Variants in APBA3 observed in about 807,000 individuals in gnomAD.
APBA3 encodes the protein amyloid beta precursor protein binding family A member 3, also known as amyloid-beta A4 precursor protein-binding family A member 3.
APBA3 carries 45 observed loss-of-function variants against 55.9 expected under a neutral mutation model. That is an observed-to-expected ratio of 0.80 (90% CI 0.63 to 1.03). APBA3 has a LOEUF of 1.03. Ranked by LOEUF, APBA3 falls within the 50% of genes least tolerant of loss-of-function variation. The probability of loss-of-function intolerance (pLI) is 0.00; values close to 1 mark genes in which losing one functional copy is unlikely to be tolerated. For missense variants in APBA3, 865 were observed against 820.3 expected (o/e 1.05, Z -0.67); for synonymous variants, 370 against 353.3 (o/e 1.05, Z -0.53).
Position 3,759,573 on chromosome 19 carries a change from C to G in APBA3, c.604G>C (p.Ala202Pro). Residue 202 changes from alanine to proline, a missense_variant, in exon 3 of 11, where the codon GCC (alanine) becomes CCC (proline). Transcript: ENST00000316757. ...GCGGGACACTCACCCTCCTGGGGGG[C>G]AGGGTAGGAAGCCAGGGTCTCGGGG... Reference protein sequence around the residue: ...QSPETLASYPAPQEVPGPCDH... With the variant: ...QSPETLASYPPPQEVPGPCDH... 6.3e-7 allele frequency: 1 copy of G among 1,599,178 alleles called. No homozygotes were observed. The highest frequency in any genetic ancestry group is 8.5e-7 in the Non-Finnish European group (1 of 1,174,538).
chr19:3,759,939 C>A lies in APBA3; in HGVS notation c.326G>T (p.Arg109Leu). ...AHGLLSAEAG[R>L]DDLLGLLHCE... is the part of the protein sequence containing the mutation. ...GTGCAAGAGGCCCAGCAGGTCATCC[C>A]GGCCAGCTTCGGCAGACAGGAGCCC... The change falls in exon 2 of 11, where the codon CGG (arginine) becomes CTG (leucine). Residue 109 changes from arginine (R) to leucine (L), a missense_variant. Coordinates refer to ENST00000316757, the MANE Select transcript of APBA3 (RefSeq NM_004886.4). 1.2e-6 allele frequency: 2 copies of A among 1,609,722 alleles called. No individual in the cohort carries two copies. Among genetic ancestry groups the A allele is most frequent in the Non-Finnish European group, 1.7e-6 (2 of 1,178,954 alleles).
At position 3,751,103 on chromosome 19, in the gene APBA3, G is replaced by T; in HGVS notation, c.1657-6C>A. 6.4e-7 allele frequency: 1 copy of T among 1,566,514 alleles called. No individual in the cohort carries two copies. On this transcript the variant is annotated splice_region_variant and splice_polypyrimidine_tract_variant and intron_variant, in intron 10 of 10. Transcript: ENST00000316757. ...GGCATCGTCTTGATATGCACCTGGG[G>T]AGTGGAGGCGGAACGGGGCTCAGGG...
At chr19:3,753,584 TG>T (rs1426575409) in intron 6 of APBA3, 180 bp downstream of exon 6, 1 of 605,248 alleles carries the variant, frequency 1.7e-6, no homozygotes, top group Admixed American at 3.3e-5. Context: ...AGGTTGAGGC[TG>T]CAGTGAACTA....
intron 6 of APBA3, 61 bp downstream of exon 6, chr19:3,753,704 G>A: frequency 7.1e-7 from 1 of 1,410,766 alleles, no homozygotes; most frequent in Non-Finnish European, 9.3e-7. Flanking sequence ...GCCCACTGAG[G>A]GAGGCGACAG....
In APBA3 at chr19:3,752,885, G is replaced by T. The variant is rs1432415778; in HGVS notation, c.1117C>A (p.Pro373Thr). 10 of 1,613,220 alleles carry T rather than the reference G, an allele frequency of 6.2e-6. No individual in the cohort carries two copies. Among genetic ancestry groups the T allele is most frequent in the Non-Finnish European group, 7.6e-6 (9 of 1,179,910 alleles). The change falls in exon 7 of 11, where the codon CCA becomes ACA. Residue 373 changes from proline (P) to threonine (T), a missense_variant. Coordinates refer to ENST00000316757, the MANE Select transcript of APBA3 (RefSeq NM_004886.4). ...DPSQVGVHPS[P>T]GACHLHNGDL... is the part of the protein sequence containing the mutation. Reference sequence around the variant, plus strand: ...CCATTATGGAGGTGGCAGGCGCCTGGGCTCGGGTGCACGCCCACCTGGCTG... The same window carrying T: ...CCATTATGGAGGTGGCAGGCGCCTGTGCTCGGGTGCACGCCCACCTGGCTG...
chr19:3,753,710 G>A (rs184864548), intron 6 of APBA3, 55 bp downstream of exon 6: 9 of 1,427,480 alleles, frequency 6.3e-6, no homozygotes, highest in East Asian at 2.5e-5. Flanking sequence ...TGAGGGAGGC[G>A]ACAGTTGCAG....
At position 3,750,963 on chromosome 19, in the gene APBA3, G is replaced by A; in HGVS notation, c.*63C>T. 6.6e-7 allele frequency: 1 copy of A among 1,513,732 alleles called. No individual in the cohort carries two copies. The highest frequency in any genetic ancestry group is 9.0e-7 in the Non-Finnish European group (1 of 1,112,640). The allele number at this position is 1,513,732 out of a possible 1,614,324, so 93.8% of individuals were successfully genotyped here. A position where few individuals can be genotyped will look rare whatever the true frequency, so the allele number is the denominator to read the frequency against. The stretch of plus-strand genomic sequence containing the variant: ...CTGGGGTCCTGGCCAGCCAGGGCAG[G>A]CCCAGGATGGGGCTCCGGGGCCATG... On this transcript the variant is annotated 3_prime_UTR_variant, in exon 11 of 11. Coordinates refer to ENST00000316757, the MANE Select transcript of APBA3 (RefSeq NM_004886.4).
In APBA3 at chr19:3,751,065, A is replaced by G. The variant is rs771388286; in HGVS notation, c.1689T>C (p.Tyr563=). ...VHIKTMPAAT[Y]RLLTGQEQPV... is the part of the protein sequence containing the mutation. ...GCTGCTCCTGGCCTGTAAGGAGGCG[A>G]TATGTGGCAGCTGGCATCGTCTTGA... Residue 563 remains tyrosine (Y), a synonymous_variant, in exon 11 of 11, where the codon TAT becomes TAC. Transcript: ENST00000316757. 63 of 1,566,880 alleles carry G rather than the reference A, an allele frequency of 4.0e-5. No individual in the cohort carries two copies. Among genetic ancestry groups the G allele is most frequent in the Non-Finnish European group, 5.2e-5 (60 of 1,155,556 alleles).
In APBA3 at chr19:3,750,913, G is replaced by A. The variant is rs778240110; in HGVS notation, c.*113C>T. ...ATAAGCTTTTACTGTTTTTATATTA[G>A]GAAATCATACAGGACCAAGAACCGC... On this transcript the variant is annotated 3_prime_UTR_variant, in exon 11 of 11. Coordinates refer to ENST00000316757, the MANE Select transcript of APBA3 (RefSeq NM_004886.4). 7.1e-6 allele frequency: 9 copies of A among 1,267,550 alleles called. No individual in the cohort carries two copies. Among genetic ancestry groups the A allele is most frequent in the Non-Finnish European group, 9.0e-6 (8 of 890,706 alleles). The allele number at this position is 1,267,550 out of a possible 1,614,324, so 78.5% of individuals were successfully genotyped here.
At position 3,751,062 on chromosome 19, in the gene APBA3, G is replaced by A. The variant is rs1352111987; in HGVS notation, c.1692C>T (p.Arg564=). ...CGGGCTGCTCCTGGCCTGTAAGGAGGCGATATGTGGCAGCTGGCATCGTCT... is the reference window on the plus strand; with the variant it reads ...CGGGCTGCTCCTGGCCTGTAAGGAGACGATATGTGGCAGCTGGCATCGTCT... ...HIKTMPAATY[R]LLTGQEQPVY... The change falls in exon 11 of 11, where the codon CGC becomes CGT. Residue 564 remains arginine, a synonymous_variant. Transcript: ENST00000316757. 8 of 1,566,478 alleles carry A rather than the reference G, an allele frequency of 5.1e-6. No homozygotes were observed. In the East Asian group the frequency reaches 9.5e-5, roughly 19 times the overall value.
chr19:3,759,556 C>A lies in APBA3; in HGVS notation c.616+5G>T. 6.3e-7 allele frequency: 1 copy of A among 1,596,936 alleles called. No individual in the cohort carries two copies. The highest frequency in any genetic ancestry group is 8.5e-7 in the Non-Finnish European group (1 of 1,173,148). ...GCCTGAGGCTAGGGTGGGCGGGACA[C>A]TCACCCTCCTGGGGGGCAGGGTAGG... On this transcript the variant is annotated splice_donor_5th_base_variant and intron_variant, in intron 3 of 10. Transcript: ENST00000316757.
In APBA3 at chr19:3,760,323, C is replaced by A. The variant is rs1260154715; in HGVS notation, c.-37-22G>T. 1.0e-5 allele frequency: 15 copies of A among 1,481,336 alleles called. 1 individual carries two copies. In the South Asian group the frequency reaches 1.3e-4, roughly 12 times the overall value. The allele number at this position is 1,481,336 out of a possible 1,614,324, so 91.8% of individuals were successfully genotyped here. A position where few individuals can be genotyped will look rare whatever the true frequency, so the allele number is the denominator to read the frequency against. On this transcript the variant is annotated intron_variant, in intron 1 of 10. Transcript: ENST00000316757. The stretch of plus-strand genomic sequence containing the variant: ...GCAGCTGAAAGAGAGAGAGTCAGCA[C>A]TGAGGTTTCGCCCGGGTGCAGTGGC...
At position 3,758,720 on chromosome 19, in the gene APBA3, A is replaced by C. The variant is rs548209075; in HGVS notation, c.616+841T>G. On this transcript the variant is annotated intron_variant, in intron 3 of 10. Coordinates refer to ENST00000316757, the MANE Select transcript of APBA3 (RefSeq NM_004886.4). ...CAGTGAAACCCCATCTCTACTAAAAATACAAAAATTAGCTGGGCGTGGTGG... is the reference window on the plus strand; with the variant it reads ...CAGTGAAACCCCATCTCTACTAAAACTACAAAAATTAGCTGGGCGTGGTGG... Among the ~76,000 whole-genome samples the C allele has an allele frequency of 1.1e-3, 160 of 151,856 alleles. 3 individuals carry two copies. Among genetic ancestry groups the C allele is most frequent in the South Asian group, 5.4e-3 (26 of 4,802 alleles).
At chr19:3,755,662 T>C (rs939210587) in intron 3 of APBA3, 1 of 150,008 alleles carries the variant, frequency 6.7e-6, no homozygotes, top group African/African-American at 2.5e-5. Flanking sequence ...CTGGGCGTGG[T>C]GGCGCGTGCC....
At chr19:3,752,366 G>A (rs887395270) in intron 8 of APBA3, 142 bp downstream of exon 8, 1 of 755,894 alleles carries the variant, frequency 1.3e-6, no homozygotes, top group African/African-American at 1.8e-5. Flanking sequence ...GTTTCCCCAA[G>A]GGCACACCAG....
chr19:3,760,200 C>T lies in APBA3; in HGVS notation c.65G>A (p.Arg22Lys), dbSNP rs1274224378. ...GTCCTCCGAAGGCACAAGAATGTCCCTGGGCCCCTCCAAGTCCATGGCTGG... is the reference window on the plus strand; with the variant it reads ...GTCCTCCGAAGGCACAAGAATGTCCTTGGGCCCCTCCAAGTCCATGGCTGG... ...GPPAMDLEGPRDILVPSEDLT... is the reference protein window; with the variant it reads ...GPPAMDLEGPKDILVPSEDLT... The change falls in exon 2 of 11, where the codon AGG becomes AAG. Residue 22 changes from arginine (R) to lysine (K), a missense_variant. Coordinates refer to ENST00000316757, the MANE Select transcript of APBA3 (RefSeq NM_004886.4). The T allele has an allele frequency of 3.1e-6, 5 of 1,612,390 alleles. No homozygotes were observed. In the Admixed American group the frequency reaches 5.0e-5, roughly 16 times the overall value.
intron 8 of APBA3, chr19:3,751,866 C>T (rs951521499): frequency 8.3e-6 from 3 of 360,348 alleles, no homozygotes; most frequent in Non-Finnish European, 1.5e-5. Context: ...GGGGCAGGTC[C>T]CTCCCTATCT....
In APBA3 at chr19:3,753,380, C is replaced by T. The variant is rs185267007; in HGVS notation, c.1011+385G>A. On this transcript the variant is annotated intron_variant, in intron 6 of 10. Transcript: ENST00000316757. ...ATAGGAGGCTGGACGCGGTGGCTCACGCCTGTAATTGCAGCACTTTGGGAG... is the reference window on the plus strand; with the variant it reads ...ATAGGAGGCTGGACGCGGTGGCTCATGCCTGTAATTGCAGCACTTTGGGAG... 614 of 358,900 alleles carry T rather than the reference C, an allele frequency of 1.7e-3. 3 individuals are homozygous for T. Among genetic ancestry groups the T allele is most frequent in the Middle Eastern group, 2.4e-3 (3 of 1,248 alleles). 22.2% of individuals were successfully genotyped at this position (358,900 alleles called of 1,614,324 possible).
chr19:3,756,927 C>G (rs1193986451), intron 3 of APBA3, among the ~76,000 whole-genome samples: 1 of 152,142 alleles, frequency 6.6e-6, no homozygotes. Flanking sequence ...ATTCTCCAGT[C>G]TGAGTAGAAC....
Sources: gnomAD v4.1 joint callset for allele counts (sites outside exome capture counted in the v4.1 genomes callset) on GRCh38, gnomAD v4.1.1 for gene constraint, MANE v1.5 for transcripts, NCBI Gene and HGNC (gene_info 2026-07-23, HGNC 2026-07-21) for gene names.